WWTR1: variants seen among roughly 807,000 people sequenced by gnomAD.
WWTR1 encodes the protein WW domain containing transcription regulator 1.
Under a neutral mutation model 40.1 loss-of-function variants are expected in WWTR1, and 13 were observed. The observed-to-expected ratio is 0.32, with a 90% CI of 0.21 to 0.52. The LOEUF is 0.52. WWTR1 is among the 20% of genes least tolerant of loss of function. The pLI is 0.97. For synonymous variants in WWTR1, 230 were observed against 210.1 expected (o/e 1.09, Z -0.82); for missense variants, 436 against 523.1 (o/e 0.83, Z 1.63).
rs1477506447 is a variant in WWTR1 at position 149,657,132 on chromosome 3, C to T, written c.175G>A (p.Gly59Ser). ...PESFFKEPDS[G>S]SHSRQSSTDS... is the part of the protein sequence containing the mutation. ...GTGCTGGACTGGCGCGAGTGCGAGC[C>T]CGAATCAGGCTCCTTAAAGAAAGAC... The change falls in exon 2 of 7, where the codon GGC becomes AGC. Residue 59 changes from glycine to serine, a missense_variant. Transcript: ENST00000360632. 6.3e-7 allele frequency: 1 copy of T among 1,595,132 alleles called. No individual in the cohort carries two copies. The highest frequency in any genetic ancestry group is 1.3e-5 in the African/African-American group (1 of 74,748).
chr3:149,530,974 A>G (rs1178239800), intron 4 of WWTR1, among the ~76,000 whole-genome samples: 1 of 151,058 alleles, frequency 6.6e-6, no homozygotes, highest in Non-Finnish European at 1.5e-5. Flanking sequence ...TCACTCTCTC[A>G]GCCAGGCTGG....
chr3:149,575,836 C>T (rs935655582), intron 2 of WWTR1, among the ~76,000 whole-genome samples: 2 of 152,118 alleles, frequency 1.3e-5, no homozygotes, highest in Non-Finnish European at 2.9e-5. Context: ...CAGCCTAAAT[C>T]CCCTGGGACA....
chr3:149,541,412 G>C (rs1736096601), intron 4 of WWTR1, among the ~76,000 whole-genome samples: 1 of 152,258 alleles, frequency 6.6e-6, no homozygotes, highest in Non-Finnish European at 1.5e-5. Flanking sequence ...AAAACTGAAT[G>C]AATGGAGTAT....
At chr3:149,607,401 AC>A (rs1262200870) in intron 2 of WWTR1, among the ~76,000 whole-genome samples, 4 of 151,898 alleles carry the variant, frequency 2.6e-5, no homozygotes, top group African/African-American at 9.7e-5. Flanking sequence ...TGCAACCTCC[AC>A]CTCCTGGATT....
chr3:149,572,875 TG>T lies in WWTR1; in HGVS notation c.556del (p.Gln186SerfsTer5), dbSNP rs766420219. The T allele has an allele frequency of 6.2e-7, 1 of 1,613,780 alleles. No homozygotes were observed. Among genetic ancestry groups the T allele is most frequent in the Admixed American group, 1.7e-5 (1 of 59,960 alleles). On this transcript the variant is annotated frameshift_variant, in exon 3 of 7. Coordinates refer to ENST00000360632, the MANE Select transcript of WWTR1 (RefSeq NM_015472.6). LOFTEE classifies it high-confidence loss of function. ...PVPQRSMAVS[Q>X]PNLVMNHQHQ... The stretch of plus-strand genomic sequence containing the variant: ...AGCTTGAGGCTTACCGAGATTTGGC[TG>T]GGATACTGCCATGGACCTCTGAGGC...
intron 2 of WWTR1, among the ~76,000 whole-genome samples, chr3:149,651,992 A>ATTTTTTTTTTTTTTTTTTTTTTT (rs368845286): frequency 3.2e-5 from 3 of 93,714 alleles, no homozygotes; most frequent in African/African-American, 3.9e-5. Context: ...CGCCCGGCTA[A>ATTTTTTTTTTTTTTTTTTTTTTT]TTTTTTTTTT....
intron 2 of WWTR1, among the ~76,000 whole-genome samples, chr3:149,610,534 A>G (rs1203094175): frequency 6.6e-6 from 1 of 152,240 alleles, no homozygotes; most frequent in Non-Finnish European, 1.5e-5. Flanking sequence ...ACAGTCTCTC[A>G]CACAGTATAA....
chr3:149,664,584 ACTAT>A (rs1713724166), intron 2 of WWTR1, among the ~76,000 whole-genome samples: 1 of 149,306 alleles, frequency 6.7e-6, no homozygotes, highest in Non-Finnish European at 1.5e-5. Context: ...GATGGAAGGC[ACTAT>A]CTTTTTTTTT....
chr3:149,665,227 C>CTTTTTT (rs11398199), intron 2 of WWTR1, among the ~76,000 whole-genome samples: 41 of 128,224 alleles, frequency 3.2e-4, no homozygotes, highest in East Asian at 4.5e-4. Context: ...TCCTTTCTTT[C>CTTTTTT]TTTTTTTTTT....
rs1052045212 is a variant in WWTR1, at chr3:149,720,293, G to A, written n.460-2727C>T. On this transcript the variant is annotated intron_variant and non_coding_transcript_variant, in intron 4 of 6. Transcript: ENST00000474080. ...ATGGATCTACTTTGAGCTAAATTAT[G>A]CGTATGGTATTAGGTAAAGGTAAAA... Among the ~76,000 whole-genome samples, 3 of 152,246 alleles carry A rather than the reference G, an allele frequency of 2.0e-5. No individual in the cohort carries two copies. In the East Asian group the frequency reaches 5.8e-4, roughly 29 times the overall value.
At chr3:149,555,729 A>G (rs139691002) in intron 3 of WWTR1, among the ~76,000 whole-genome samples, 134 of 152,248 alleles carry the variant, frequency 8.8e-4, no homozygotes, top group African/African-American at 2.9e-3. Context: ...TTTCTTTCCA[A>G]TGATCTACGG....
intron 2 of WWTR1, among the ~76,000 whole-genome samples, chr3:149,592,993 TA>T (rs1294840393): frequency 3.3e-5 from 5 of 151,946 alleles, no homozygotes; most frequent in Admixed American, 6.6e-5. Flanking sequence ...CTATCCCTGC[TA>T]AAAAAAACTC....
chr3:149,560,235 C>T (rs988557966), intron 3 of WWTR1, among the ~76,000 whole-genome samples: 1 of 152,162 alleles, frequency 6.6e-6, no homozygotes, highest in African/African-American at 2.4e-5. Flanking sequence ...TTTAATATAT[C>T]GTAGTTTCGA....
chr3:149,636,864 G>A (rs1476134851), intron 2 of WWTR1, among the ~76,000 whole-genome samples: 1 of 151,332 alleles, frequency 6.6e-6, no homozygotes, highest in African/African-American at 2.4e-5. Context: ...CTACTCGGGA[G>A]GCTGAGGCAG....
At chr3:149,585,654 T>C (rs1738388551) in intron 2 of WWTR1, among the ~76,000 whole-genome samples, 1 of 151,968 alleles carries the variant, frequency 6.6e-6, no homozygotes, top group South Asian at 2.1e-4. Flanking sequence ...TGGTAATGAG[T>C]GCCTTGGTGG....
Position 149,723,190 on chromosome 3 carries a change from T to C in WWTR1, n.459+890A>G, listed in dbSNP as rs199550894. ...TGCTGGTTTTCTTTTCTTTTCTTTT[T>C]TTTTTTTTTTTTTTTGAGACAGAGT... On this transcript the variant is annotated intron_variant and non_coding_transcript_variant, in intron 4 of 6. Coordinates refer to the WWTR1 transcript ENST00000474080. Among the ~76,000 whole-genome samples, 103 of 142,474 alleles carry C rather than the reference T, an allele frequency of 7.2e-4. No individual in the cohort carries two copies. In the East Asian group the frequency reaches 7.8e-3, roughly 11 times the overall value. The allele number at this position is 142,474 out of a possible 152,430, so 93.5% of individuals were successfully genotyped here. A position where few individuals can be genotyped will look rare whatever the true frequency, so the allele number is the denominator to read the frequency against.
At chr3:149,593,770 A>G (rs1374757825) in intron 2 of WWTR1, among the ~76,000 whole-genome samples, 4 of 152,212 alleles carry the variant, frequency 2.6e-5, no homozygotes, top group Non-Finnish European at 5.9e-5. Context: ...TATGTAAAAC[A>G]TTGTTGTGGG....
chr3:149,579,556 A>C (rs1184435318), intron 2 of WWTR1, among the ~76,000 whole-genome samples: 1 of 152,064 alleles, frequency 6.6e-6, no homozygotes, highest in Non-Finnish European at 1.5e-5. Context: ...TCACACCTGT[A>C]ATCTTAGCAC....
At chr3:149,658,960 GA>G (rs138270758), upstream of WWTR1, among the ~76,000 whole-genome samples, 1 of 152,106 alleles carries the variant, frequency 6.6e-6, no homozygotes, top group Non-Finnish European at 1.5e-5. Flanking sequence ...CCAGTGACCC[GA>G]AAAAAGCCAC....
Sources: allele counts gnomAD v4.1 joint callset (sites outside exome capture counted in the v4.1 genomes callset), GRCh38; gene constraint gnomAD v4.1.1; transcripts MANE v1.5; gene names NCBI Gene and HGNC (gene_info 2026-07-23, HGNC 2026-07-21).